WDR7: variants seen among roughly 807,000 people sequenced by gnomAD.
The protein encoded by WDR7 is WD repeat domain 7.
Under a neutral mutation model 169.4 loss-of-function variants are expected in WDR7, and 46 were observed. That is an observed-to-expected ratio of 0.27 (90% CI 0.21 to 0.35). WDR7 has a LOEUF of 0.35. Among genes scored for constraint, WDR7 ranks in the 10% least tolerant of loss-of-function variants. The pLI, the probability that WDR7 is intolerant of heterozygous loss-of-function variation, is 1.00. For synonymous variants in WDR7, 612 were observed against 666.8 expected (o/e 0.92, Z 1.27); for missense variants, 1,534 against 1,859.3 (o/e 0.83, Z 3.22).
chr18:56,957,888 A>G (rs2047279212), intron 25 of WDR7, among the ~76,000 whole-genome samples: 1 of 152,146 alleles, frequency 6.6e-6, no homozygotes, highest in African/African-American at 2.4e-5. Flanking sequence ...TCCTGAGATC[A>G]TTGCAAATTG....
chr18:56,946,976 T>G (rs1016920439), intron 25 of WDR7, among the ~76,000 whole-genome samples: 3 of 152,208 alleles, frequency 2.0e-5, no homozygotes, highest in Non-Finnish European at 2.9e-5. Context: ...AAATATTTCC[T>G]AATAATTCAC....
At chr18:56,864,144 A>G (rs759784826) in intron 20 of WDR7, among the ~76,000 whole-genome samples, 1 of 151,814 alleles carries the variant, frequency 6.6e-6, no homozygotes, top group Middle Eastern at 3.4e-3. Flanking sequence ...AAGAAAAAGC[A>G]TCAAATGGAC....
At chr18:56,898,630 A>C (rs189223628) in intron 21 of WDR7, among the ~76,000 whole-genome samples, 2 of 152,252 alleles carry the variant, frequency 1.3e-5, no homozygotes, top group Admixed American at 1.3e-4. Flanking sequence ...TTGAGAAAAC[A>C]TCCCAACTGA....
rs945909025 is a variant in WDR7, at chr18:56,897,919, G to A, written c.3526+17754G>A. Among the ~76,000 whole-genome samples the A allele has an allele frequency of 9.2e-5, 14 of 152,022 alleles. No homozygotes were observed. The South Asian group carries it at 1.2e-3, about 14-fold the overall frequency. On this transcript the variant is annotated intron_variant, in intron 21 of 27. Transcript: ENST00000254442. The stretch of plus-strand genomic sequence containing the variant: ...TTTATACCTTGATTGGTGTGGAGAC[G>A]TATATTTCCTACCTCTGGCCACTGA...
intron 25 of WDR7, among the ~76,000 whole-genome samples, chr18:56,953,157 T>C (rs1371915067): frequency 2.0e-5 from 3 of 152,156 alleles, no homozygotes; most frequent in Admixed American, 6.5e-5. Flanking sequence ...AGGAGTAATA[T>C]AGGAACTCTC....
chr18:56,720,059 CTT>C (rs1425874304), intron 13 of WDR7, among the ~76,000 whole-genome samples: 1 of 152,086 alleles, frequency 6.6e-6, no homozygotes, highest in Non-Finnish European at 1.5e-5. Context: ...GGGAATATGA[CTT>C]TATCTACATT....
At chr18:57,025,975 G>A (rs1434997574) in intron 27 of WDR7, among the ~76,000 whole-genome samples, 1 of 152,208 alleles carries the variant, frequency 6.6e-6, no homozygotes, top group African/African-American at 2.4e-5. Context: ...ATACTGGAGA[G>A]AAGCATTGGA....
intron 21 of WDR7, among the ~76,000 whole-genome samples, chr18:56,909,426 A>G (rs918789880): frequency 1.3e-5 from 2 of 152,160 alleles, no homozygotes; most frequent in Non-Finnish European, 2.9e-5. Context: ...GGGGTAGAGG[A>G]AAAGATTGTG....
chr18:56,806,317 T>G (rs2044772701), intron 19 of WDR7, among the ~76,000 whole-genome samples: 1 of 152,232 alleles, frequency 6.6e-6, no homozygotes, highest in Admixed American at 6.5e-5. Flanking sequence ...CCTACCATTC[T>G]GTGTTTTAAC....
At chr18:56,729,518 A>G (rs2026536599) in intron 13 of WDR7, among the ~76,000 whole-genome samples, 2 of 152,102 alleles carry the variant, frequency 1.3e-5, no homozygotes, top group South Asian at 4.1e-4. Flanking sequence ...TTCATTTAAC[A>G]GTATGTTGTG....
At chr18:56,769,320 C>T (rs1386948390) in intron 16 of WDR7, among the ~76,000 whole-genome samples, 2 of 151,710 alleles carry the variant, frequency 1.3e-5, no homozygotes, top group Admixed American at 6.6e-5. Flanking sequence ...CCAGTCGAGG[C>T]TCTTGAATAG....
chr18:56,949,076 C>T (rs979687475), intron 25 of WDR7, among the ~76,000 whole-genome samples: 2 of 151,958 alleles, frequency 1.3e-5, no homozygotes, highest in Non-Finnish European at 2.9e-5. Context: ...GTCACCTCTC[C>T]CACTCTCTTC....
At chr18:56,701,360 G>A (rs1229511655) in intron 12 of WDR7, among the ~76,000 whole-genome samples, 1 of 152,124 alleles carries the variant, frequency 6.6e-6, no homozygotes, top group African/African-American at 2.4e-5. Flanking sequence ...GTTTTTTTAA[G>A]AGTATATAAA....
intron 21 of WDR7, among the ~76,000 whole-genome samples, chr18:56,888,501 T>C (rs2046226349): frequency 6.6e-6 from 1 of 152,238 alleles, no homozygotes; most frequent in Admixed American, 6.5e-5. Context: ...AGGAAATTCA[T>C]CTCCTTCATC....
chr18:56,883,852 T>C (rs2046149177), intron 21 of WDR7, among the ~76,000 whole-genome samples: 3 of 152,246 alleles, frequency 2.0e-5, no homozygotes, highest in African/African-American at 7.2e-5. Context: ...CATTCCTTTT[T>C]ATGGCTGAGT....
At chr18:56,687,064 G>A in intron 7 of WDR7, 90 bp downstream of exon 7, 2 of 1,216,842 alleles carry the variant, frequency 1.6e-6, no homozygotes, top group Non-Finnish European at 2.3e-6. Flanking sequence ...GAAGTACTTG[G>A]TGCAAGACTA....
intron 16 of WDR7, among the ~76,000 whole-genome samples, chr18:56,763,342 T>C (rs1322325023): frequency 6.6e-6 from 1 of 152,244 alleles, no homozygotes; most frequent in Non-Finnish European, 1.5e-5. Flanking sequence ...TTTATTCAGA[T>C]GTTTTTTCTG....
intron 13 of WDR7, among the ~76,000 whole-genome samples, chr18:56,722,218 G>A (rs1462685534): frequency 2.6e-5 from 4 of 152,188 alleles, no homozygotes; most frequent in Non-Finnish European, 5.9e-5. Flanking sequence ...CTTAGTGACT[G>A]TTATTCTTCC....
chr18:56,948,657 TTC>T (rs2047139782), intron 25 of WDR7, among the ~76,000 whole-genome samples: 1 of 152,238 alleles, frequency 6.6e-6, no homozygotes, highest in Non-Finnish European at 1.5e-5. Flanking sequence ...ATAAAAGACC[TTC>T]TGTTATGACT....
Sources: allele counts gnomAD v4.1 joint callset (sites outside exome capture counted in the v4.1 genomes callset), GRCh38; gene constraint gnomAD v4.1.1; transcripts MANE v1.5; gene names NCBI Gene and HGNC (gene_info 2026-07-23, HGNC 2026-07-21).